Variants in RPH3A observed in about 807,000 individuals in gnomAD.
The protein encoded by RPH3A is rabphilin-3A.
A neutral mutation model predicts 102.2 loss-of-function variants in RPH3A; 48 were observed. The observed-to-expected ratio is 0.47, with a 90% CI of 0.37 to 0.60. The LOEUF is 0.60. RPH3A is among the 20% of genes least tolerant of loss of function. The probability of loss-of-function intolerance (pLI) is 0.00; values close to 1 mark genes in which losing one functional copy is unlikely to be tolerated. For synonymous variants in RPH3A, 310 were observed against 324.3 expected (o/e 0.96, Z 0.47); for missense variants, 781 against 910.1 (o/e 0.86, Z 1.83).
At chr12:112,765,573 C>G (rs919911642) in intron 1 of RPH3A, among the ~76,000 whole-genome samples, 1 of 152,158 alleles carries the variant, frequency 6.6e-6, no homozygotes, top group African/African-American at 2.4e-5. Flanking sequence ...CTTAGCATTT[C>G]TGAGCCTTGA....
chr12:112,888,484 A>C (rs1464895728), intron 17 of RPH3A, among the ~76,000 whole-genome samples: 2 of 152,368 alleles, frequency 1.3e-5, no homozygotes, highest in East Asian at 3.9e-4. Context: ...CTAGAGTTTA[A>C]GAGTATGGGC....
rs1031189952 is a variant in RPH3A at position 112,703,500 on chromosome 12, A to G, written c.-139-88643A>G. On this transcript the variant is annotated intron_variant, in intron 1 of 21. Coordinates refer to the RPH3A transcript ENST00000543106. ...CATGAAGTTAACAAAAATTTTGGAC[A>G]GAAATATAGTCATAATTCAGCATTA... Among the ~76,000 whole-genome samples, 43 of 152,250 alleles carry G rather than the reference A, an allele frequency of 2.8e-4. 1 individual carries two copies. Among genetic ancestry groups the G allele is most frequent in the African/African-American group, 9.9e-4 (41 of 41,460 alleles).
intron 1 of RPH3A, among the ~76,000 whole-genome samples, chr12:112,583,031 A>G (rs1353509112): frequency 6.6e-6 from 1 of 152,148 alleles, no homozygotes; most frequent in Non-Finnish European, 1.5e-5. Flanking sequence ...CTGGAATTAA[A>G]ACTTACTTTG....
At chr12:112,691,503 C>T (rs761799277) in intron 1 of RPH3A, among the ~76,000 whole-genome samples, 13 of 152,142 alleles carry the variant, frequency 8.5e-5, no homozygotes, top group Non-Finnish European at 1.9e-4. Context: ...TTTCTGTGTC[C>T]AGAAGTACAG....
chr12:112,736,175 A>C (rs906285931), intron 1 of RPH3A, among the ~76,000 whole-genome samples: 1 of 152,176 alleles, frequency 6.6e-6, no homozygotes, highest in African/African-American at 2.4e-5. Flanking sequence ...TGGGCATTGT[A>C]AGATGTTGTG....
chr12:112,732,547 T>A (rs1320885189), intron 1 of RPH3A, among the ~76,000 whole-genome samples: 1 of 152,136 alleles, frequency 6.6e-6, no homozygotes, highest in Non-Finnish European at 1.5e-5. Flanking sequence ...GAGATGAACG[T>A]GCAGGATGTT....
At chr12:112,782,558 C>A (rs1412695125) in intron 1 of RPH3A, among the ~76,000 whole-genome samples, 1 of 152,164 alleles carries the variant, frequency 6.6e-6, no homozygotes, top group African/African-American at 2.4e-5. Context: ...TCAGCATATG[C>A]TTGTTGAGTG....
chr12:112,620,588 C>T (rs2039714732), intron 1 of RPH3A, among the ~76,000 whole-genome samples: 1 of 152,180 alleles, frequency 6.6e-6, no homozygotes, highest in South Asian at 2.1e-4. Flanking sequence ...TCTAGACCTG[C>T]ACAGCTAACT....
chr12:112,618,833 C>T (rs1272155804), intron 1 of RPH3A, among the ~76,000 whole-genome samples: 1 of 152,160 alleles, frequency 6.6e-6, no homozygotes, highest in South Asian at 2.1e-4. Context: ...TAAAAGAAAC[C>T]CATTAGCAGT....
chr12:112,875,783 T>A, intron 12 of RPH3A, 42 bp downstream of exon 12: 1 of 1,572,442 alleles, frequency 6.4e-7, no homozygotes, highest in Non-Finnish European at 8.7e-7. Flanking sequence ...AGTGGCCACC[T>A]CTCCCCTACC....
At position 112,711,426 on chromosome 12, in the gene RPH3A, C is replaced by T. The variant is rs117763300; in HGVS notation, c.-139-80717C>T. Among the ~76,000 whole-genome samples the T allele has an allele frequency of 8.4e-4, 127 of 152,014 alleles. 1 individual carries two copies. The East Asian group carries it at 0.012, about 15-fold the overall frequency. ...AAAAAAGAGCACATCTCTTTGGGGA[C>T]GACTTTCAGTTGAAAAGAACTGACA... is the stretch of plus-strand genomic sequence containing the variant. On this transcript the variant is annotated intron_variant, in intron 1 of 21. Transcript: ENST00000543106.
intron 1 of RPH3A, among the ~76,000 whole-genome samples, chr12:112,697,689 A>T (rs750674721): frequency 6.6e-5 from 10 of 152,140 alleles, no homozygotes; most frequent in Non-Finnish European, 1.5e-4. Flanking sequence ...ACATGGTGAA[A>T]TGCTGTCTCT....
chr12:112,610,906 G>A (rs191500607), intron 1 of RPH3A, among the ~76,000 whole-genome samples: 60 of 152,290 alleles, frequency 3.9e-4, no homozygotes, highest in African/African-American at 1.4e-3. Context: ...AAACTGCTGG[G>A]ATTATAGGTG....
At chr12:112,836,046 C>T (rs558802973) in intron 3 of RPH3A, among the ~76,000 whole-genome samples, 93 of 152,300 alleles carry the variant, frequency 6.1e-4, no homozygotes, top group African/African-American at 2.0e-3. Context: ...TGCTGGTCTC[C>T]GGTCTAGAGT....
At chr12:112,716,999 G>A (rs1283611140) in intron 1 of RPH3A, among the ~76,000 whole-genome samples, 1 of 152,082 alleles carries the variant, frequency 6.6e-6, no homozygotes, top group African/African-American at 2.4e-5. Flanking sequence ...AATCGCTGTG[G>A]ACTTACTATG....
At chr12:112,761,247 A>G (rs1267791907) in intron 1 of RPH3A, among the ~76,000 whole-genome samples, 1 of 152,212 alleles carries the variant, frequency 6.6e-6, no homozygotes, top group African/African-American at 2.4e-5. Flanking sequence ...AAGAGGTAAG[A>G]TTTCAGGAGG....
At chr12:112,649,154 T>C (rs2078866358) in intron 1 of RPH3A, among the ~76,000 whole-genome samples, 1 of 152,226 alleles carries the variant, frequency 6.6e-6, no homozygotes, top group Admixed American at 6.5e-5. Flanking sequence ...ATTTGTGTGG[T>C]TCTTTGATGT....
chr12:112,703,828 T>G (rs1192775073), intron 1 of RPH3A, among the ~76,000 whole-genome samples: 1 of 152,250 alleles, frequency 6.6e-6, no homozygotes, highest in Non-Finnish European at 1.5e-5. Flanking sequence ...TTTCCTCCTG[T>G]GTCTTCATTC....
At chr12:112,863,585 T>G (rs1237239926) in intron 5 of RPH3A, among the ~76,000 whole-genome samples, 2 of 152,214 alleles carry the variant, frequency 1.3e-5, no homozygotes, top group African/African-American at 4.8e-5. Context: ...TCCCAAAGTG[T>G]TGGGATTACA....
Sources: gnomAD v4.1 joint callset for allele counts (sites outside exome capture counted in the v4.1 genomes callset) on GRCh38, gnomAD v4.1.1 for gene constraint, MANE v1.5 for transcripts, NCBI Gene and HGNC (gene_info 2026-07-23, HGNC 2026-07-21) for gene names.